Variants in ZPBP observed in about 807,000 individuals in gnomAD.
The protein encoded by ZPBP is zona pellucida-binding protein 1.
Under a neutral mutation model 44.8 loss-of-function variants are expected in ZPBP, and 26 were observed. The observed-to-expected ratio is 0.58, with a 90% CI of 0.43 to 0.81. The LOEUF (loss-of-function observed/expected upper bound fraction) is 0.81. ZPBP is among the 30% of genes least tolerant of loss of function. The probability of loss-of-function intolerance (pLI) is 0.00; values close to 1 mark genes in which losing one functional copy is unlikely to be tolerated. For synonymous variants in ZPBP, 174 were observed against 153.2 expected (o/e 1.14, Z -1.00); for missense variants, 409 against 434.0 (o/e 0.94, Z 0.51).
chr7:50,023,658 C>T (rs192575777), intron 5 of ZPBP, among the ~76,000 whole-genome samples: 15 of 152,100 alleles, frequency 9.9e-5, no homozygotes, highest in African/African-American at 3.4e-4. Context: ...AACAGAGCAA[C>T]CATCAAAACC....
At chr7:49,865,533 T>G (rs1391607160) in intron 2 of ZPBP, among the ~76,000 whole-genome samples, 1 of 152,228 alleles carries the variant, frequency 6.6e-6, no homozygotes, top group Non-Finnish European at 1.5e-5. Context: ...GTTCCTCACC[T>G]TCCCATAAGC....
chr7:49,985,660 A>C (rs71541981), intron 6 of ZPBP, among the ~76,000 whole-genome samples: 6 of 131,050 alleles, frequency 4.6e-5, no homozygotes, highest in South Asian at 2.4e-4. Flanking sequence ...AAAAAAAAAA[A>C]CCTAAATGAA....
At chr7:49,947,726 T>A (rs1232296938) in intron 7 of ZPBP, among the ~76,000 whole-genome samples, 2 of 152,202 alleles carry the variant, frequency 1.3e-5, no homozygotes, top group Non-Finnish European at 2.9e-5. Flanking sequence ...CCGCTTATGT[T>A]CACTGAAGAC....
intron 3 of ZPBP, among the ~76,000 whole-genome samples, chr7:50,077,945 T>C (rs1802179838): frequency 6.6e-6 from 1 of 151,852 alleles, no homozygotes; most frequent in Non-Finnish European, 1.5e-5. Flanking sequence ...TGCATTCCTG[T>C]GTGTTGCAGC....
At chr7:49,977,426 T>G (rs1229240232) in intron 7 of ZPBP, among the ~76,000 whole-genome samples, 1 of 152,186 alleles carries the variant, frequency 6.6e-6, no homozygotes, top group Non-Finnish European at 1.5e-5. Context: ...TAGGATAAAT[T>G]TATTGACTCT....
At chr7:50,036,118 G>T (rs1189082876) in intron 4 of ZPBP, among the ~76,000 whole-genome samples, 1 of 152,192 alleles carries the variant, frequency 6.6e-6, no homozygotes, top group Non-Finnish European at 1.5e-5. Flanking sequence ...ACAAGCTAAA[G>T]GTTTTGAATG....
rs138428432 is a variant in ZPBP, at chr7:49,937,570, T to A, written c.1014A>T (p.Gln338His). 1.2e-6 allele frequency: 2 copies of A among 1,613,828 alleles called. No individual in the cohort carries two copies. The highest frequency in any genetic ancestry group is 1.7e-6 in the Non-Finnish European group (2 of 1,179,886). The change falls in exon 8 of 8, where the codon CAA (glutamine) becomes CAT (histidine). Residue 338 changes from glutamine to histidine, a missense_variant. This residue lies in a region of ZPBP where 42 missense variants were observed against 71.0 expected (regional missense o/e 0.59). Coordinates refer to ENST00000046087, the MANE Select transcript of ZPBP (RefSeq NM_007009.3). Reference sequence around the variant, plus strand: ...CTCCATACACCAGGCTGCTATTGCATTGAAGGCAATGAATTCCATCACGGG... The same window carrying A: ...CTCCATACACCAGGCTGCTATTGCAATGAAGGCAATGAATTCCATCACGGG... ...YNPRDGIHCLQCNSSLVYGAK... is the reference protein window; with the variant it reads ...YNPRDGIHCLHCNSSLVYGAK...
chr7:50,026,000 C>G (rs1380532192), intron 5 of ZPBP, among the ~76,000 whole-genome samples: 2 of 151,544 alleles, frequency 1.3e-5, no homozygotes, highest in Non-Finnish European at 3.0e-5. Context: ...GGTGCAAAAA[C>G]AGAAAAATAG....
intron 1 of ZPBP, among the ~76,000 whole-genome samples, chr7:50,089,981 C>T (rs1433444526): frequency 6.6e-6 from 1 of 152,080 alleles, no homozygotes; most frequent in African/African-American, 2.4e-5. Context: ...TCCCACCATT[C>T]AAGACCCAAA....
chr7:49,967,996 A>C (rs1796132241), intron 7 of ZPBP, among the ~76,000 whole-genome samples: 1 of 152,166 alleles, frequency 6.6e-6, no homozygotes, highest in African/African-American at 2.4e-5. Flanking sequence ...TAACCAAAAC[A>C]GTATACTATA....
chr7:49,859,514 AC>A (rs1263510814), intron 2 of ZPBP, among the ~76,000 whole-genome samples: 3 of 152,110 alleles, frequency 2.0e-5, no homozygotes, highest in Non-Finnish European at 4.4e-5. Context: ...CACGTGGATA[AC>A]CACTTGTCTC....
At chr7:50,076,266 A>G (rs1404923658) in intron 3 of ZPBP, among the ~76,000 whole-genome samples, 1 of 152,084 alleles carries the variant, frequency 6.6e-6, no homozygotes, top group African/African-American at 2.4e-5. Flanking sequence ...GAAGGAACAC[A>G]CCTCAAAATA....
At chr7:49,890,801 G>A (rs1486771451) in intron 2 of ZPBP, among the ~76,000 whole-genome samples, 1 of 151,834 alleles carries the variant, frequency 6.6e-6, no homozygotes, top group African/African-American at 2.4e-5. Context: ...CACAGGAAAG[G>A]AAGGCTCACT....
At chr7:49,897,086 G>A (rs950582037) in intron 2 of ZPBP, among the ~76,000 whole-genome samples, 2 of 151,580 alleles carry the variant, frequency 1.3e-5, no homozygotes, top group East Asian at 1.9e-4. Context: ...TAGTAGAGAC[G>A]GGGTTTCACC....
chr7:49,873,613 GC>G (rs1179862982), intron 2 of ZPBP, among the ~76,000 whole-genome samples: 1 of 152,276 alleles, frequency 6.6e-6, no homozygotes, highest in East Asian at 1.9e-4. Context: ...AAAAAAGTTT[GC>G]CAGTATATTT....
chr7:49,899,307 C>T (rs1237271005), intron 2 of ZPBP, among the ~76,000 whole-genome samples: 2 of 151,970 alleles, frequency 1.3e-5, no homozygotes, highest in African/African-American at 2.4e-5. Flanking sequence ...CATGAATGTT[C>T]ATCATGCTAT....
chr7:49,999,202 A>G (rs981862470), intron 6 of ZPBP, among the ~76,000 whole-genome samples: 20 of 151,122 alleles, frequency 1.3e-4, no homozygotes, highest in African/African-American at 4.9e-4. Context: ...AATTCCTATA[A>G]TAAGTCTCCA....
chr7:50,071,678 C>A (rs1801845699), intron 3 of ZPBP, among the ~76,000 whole-genome samples: 1 of 152,088 alleles, frequency 6.6e-6, no homozygotes, highest in Admixed American at 6.5e-5. Context: ...AGATACCAGC[C>A]CAAGCACAGT....
chr7:49,949,307 A>G (rs1583897758), intron 7 of ZPBP, among the ~76,000 whole-genome samples: 1 of 152,292 alleles, frequency 6.6e-6, no homozygotes, highest in Non-Finnish European at 1.5e-5. Context: ...AATAACTGAA[A>G]GCAGGATCTT....
Sources: allele counts gnomAD v4.1 joint callset (sites outside exome capture counted in the v4.1 genomes callset), GRCh38; gene constraint gnomAD v4.1.1; regional missense constraint gnomAD v4.1.1; transcripts MANE v1.5; gene names NCBI Gene and HGNC (gene_info 2026-07-23, HGNC 2026-07-21).